SEC22A: variants seen among roughly 807,000 people sequenced by gnomAD.
SEC22A encodes SEC22 homolog A, vesicle trafficking protein, also known as vesicle-trafficking protein SEC22a.
In SEC22A, 22 loss-of-function variants were observed where a neutral mutation model predicts 35.3. The ratio of observed to expected loss-of-function variants is 0.62; its 90% CI spans 0.45 to 0.89. SEC22A has a LOEUF of 0.89. Among genes scored for constraint, SEC22A ranks in the 40% least tolerant of loss-of-function variants. SEC22A has a pLI of 0.00. For missense variants in SEC22A, 354 were observed against 362.5 expected, an observed-to-expected ratio of 0.98 and a Z score of 0.19; for synonymous variants, 119 against 129.5, an observed-to-expected ratio of 0.92 and a Z score of 0.55.
At chr3:123,240,680 T>G (rs571196620) in intron 4 of SEC22A, among the ~76,000 whole-genome samples, 3 of 152,228 alleles carry the variant, frequency 2.0e-5, no homozygotes, top group Non-Finnish European at 4.4e-5. Context: ...GTTGCCTGTT[T>G]AAGAAACTGC....
At chr3:123,229,372 C>T (rs925176886) in intron 4 of SEC22A, among the ~76,000 whole-genome samples, 2 of 152,234 alleles carry the variant, frequency 1.3e-5, no homozygotes, top group African/African-American at 4.8e-5. Flanking sequence ...GACTTCTTAG[C>T]AGAACCAATA....
chr3:123,245,592 G>C (rs1016622226), intron 4 of SEC22A, among the ~76,000 whole-genome samples: 2 of 151,984 alleles, frequency 1.3e-5, no homozygotes, highest in Admixed American at 6.6e-5. Flanking sequence ...GTAGATAGTC[G>C]GGAATCTGAG....
chr3:123,227,866 T>C (rs1937242428), intron 4 of SEC22A, among the ~76,000 whole-genome samples: 1 of 151,668 alleles, frequency 6.6e-6, no homozygotes, highest in Admixed American at 6.6e-5. Context: ...AGAGAATTGC[T>C]TGAATCCAGG....
intron 5 of SEC22A, among the ~76,000 whole-genome samples, chr3:123,250,246 C>G (rs535544612): frequency 6.6e-6 from 1 of 152,150 alleles, no homozygotes; most frequent in Non-Finnish European, 1.5e-5. Context: ...CCCGTCTCTA[C>G]TAAAAATACA....
At chr3:123,234,275 T>A (rs920526779) in intron 4 of SEC22A, among the ~76,000 whole-genome samples, 2 of 152,208 alleles carry the variant, frequency 1.3e-5, no homozygotes, top group Non-Finnish European at 2.9e-5. Flanking sequence ...AAGGTGATCC[T>A]AAAATTCATA....
intron 6 of SEC22A, among the ~76,000 whole-genome samples, chr3:123,264,436 T>A (rs970069522): frequency 6.6e-6 from 1 of 152,166 alleles, no homozygotes; most frequent in African/African-American, 2.4e-5. Context: ...GTGTGAATGA[T>A]CTAGTTTCTC....
chr3:123,223,777 A>AT, intron 3 of SEC22A, 55 bp downstream of exon 3: 1 of 1,331,930 alleles, frequency 7.5e-7, no homozygotes, highest in Admixed American at 2.0e-5. Context: ...ATCATAAGCA[A>AT]TTTTAAATCT....
chr3:123,269,250 G>A (rs1367478687), intron 6 of SEC22A, among the ~76,000 whole-genome samples: 2 of 147,078 alleles, frequency 1.4e-5, no homozygotes, highest in East Asian at 2.0e-4. Flanking sequence ...CATTTTTACA[G>A]TAGCATTCCA....
intron 4 of SEC22A, among the ~76,000 whole-genome samples, chr3:123,227,273 G>A (rs1002556274): frequency 5.9e-5 from 9 of 151,778 alleles, no homozygotes; most frequent in South Asian, 4.2e-4. Flanking sequence ...GCTTCCCTAT[G>A]TCTACTAGTT....
intron 5 of SEC22A, among the ~76,000 whole-genome samples, chr3:123,253,175 C>A (rs1937635690): frequency 6.6e-6 from 1 of 152,174 alleles, no homozygotes; most frequent in South Asian, 2.1e-4. Flanking sequence ...TGGGTCCCAT[C>A]TGCCAGTAAC....
At chr3:123,215,256 C>G (rs528454382) in intron 2 of SEC22A, among the ~76,000 whole-genome samples, 1 of 152,302 alleles carries the variant, frequency 6.6e-6, no homozygotes, top group East Asian at 1.9e-4. Flanking sequence ...CAGATGTTAT[C>G]AGGAATCTTT....
At chr3:123,213,416 T>C (rs931765085) in intron 2 of SEC22A, among the ~76,000 whole-genome samples, 14 of 152,320 alleles carry the variant, frequency 9.2e-5, no homozygotes, top group African/African-American at 3.1e-4. Context: ...TAGCACAGCC[T>C]GAAATTGCCA....
chr3:123,228,110 C>T (rs1008399729), intron 4 of SEC22A, among the ~76,000 whole-genome samples: 3 of 151,882 alleles, frequency 2.0e-5, no homozygotes, highest in African/African-American at 7.3e-5. Flanking sequence ...AAGAGGGTAA[C>T]AAATTTCATT....
intron 4 of SEC22A, among the ~76,000 whole-genome samples, chr3:123,233,654 C>CAAA (rs34046685): frequency 0.19 from 28,197 of 149,526 alleles, 2,683 homozygotes; most frequent in Middle Eastern, 0.26. Flanking sequence ...AACAAACAAA[C>CAAA]AAAAAAAAAC....
At chr3:123,232,503 C>T (rs553087672) in intron 4 of SEC22A, among the ~76,000 whole-genome samples, 32 of 151,980 alleles carry the variant, frequency 2.1e-4, no homozygotes, top group Non-Finnish European at 3.1e-4. Flanking sequence ...TGATTTTTAC[C>T]AAACAGTTAA....
chr3:123,271,568 T>C lies in SEC22A; in HGVS notation c.770T>C (p.Phe257Ser). The change falls in exon 7 of 7, where the codon TTT (phenylalanine) becomes TCT (serine). Residue 257 changes from phenylalanine to serine, a missense_variant. Coordinates refer to ENST00000492595, the MANE Select transcript of SEC22A (RefSeq NM_012430.5). ...YYTGWRNVKS[F>S]LTFGLICLCN... ...ACCGGCTGGCGGAATGTCAAATCTT[T>C]TTTGACTTTTGGCTTAATCTGTCTA... 6.2e-7 allele frequency: 1 copy of C among 1,614,180 alleles called. No homozygotes were observed. The highest frequency in any genetic ancestry group is 8.5e-7 in the Non-Finnish European group (1 of 1,180,026).
intron 1 of SEC22A, 88 bp from the exon 2 acceptor site, chr3:123,209,111 A>G (rs1936895919): frequency 9.8e-7 from 1 of 1,018,518 alleles, no homozygotes; most frequent in African/African-American, 1.6e-5. Context: ...TACTATTCTT[A>G]TATTACTAGT....
At position 123,245,881 on chromosome 3, in the gene SEC22A, ATTTC is replaced by A; in HGVS notation, c.542-14_542-11del. On this transcript the variant is annotated splice_polypyrimidine_tract_variant and intron_variant, in intron 4 of 6. Transcript: ENST00000492595. ...GAGGTATTGGTGTTCATTTCTAACT[ATTTC>A]TTTTATTTTCCAGCTCACCAGCGAC... 2 of 1,416,136 alleles carry A rather than the reference ATTTC, an allele frequency of 1.4e-6. No individual in the cohort carries two copies. The highest frequency in any genetic ancestry group is 2.0e-6 in the Non-Finnish European group (2 of 1,004,556). 87.7% of individuals were successfully genotyped at this position (1,416,136 alleles called of 1,614,324 possible). A position where few individuals can be genotyped will look rare whatever the true frequency, so the allele number is the denominator to read the frequency against.
chr3:123,244,329 A>G (rs535738267), intron 4 of SEC22A, among the ~76,000 whole-genome samples: 10 of 152,286 alleles, frequency 6.6e-5, no homozygotes, highest in Admixed American at 5.9e-4. Flanking sequence ...CCCCACAGTG[A>G]TTTGGCACAA....
Sources: gnomAD v4.1 joint callset for allele counts (sites outside exome capture counted in the v4.1 genomes callset) on GRCh38, gnomAD v4.1.1 for gene constraint, MANE v1.5 for transcripts, NCBI Gene and HGNC (gene_info 2026-07-23, HGNC 2026-07-21) for gene names.